LMO7: variants seen among roughly 807,000 people sequenced by gnomAD.
LMO7 encodes LIM domain only protein 7.
LMO7 carries 120 observed loss-of-function variants against 206.5 expected under a neutral mutation model. The ratio of observed to expected loss-of-function variants is 0.58; its 90% CI spans 0.50 to 0.68. LMO7 has a LOEUF of 0.68. LMO7 is among the 30% of genes least tolerant of loss of function. The pLI, the probability that LMO7 is intolerant of heterozygous loss-of-function variation, is 0.00. For missense variants in LMO7, 1,959 were observed against 1,957.9 expected (o/e 1.00, Z -0.01); for synonymous variants, 706 against 681.5 (o/e 1.04, Z -0.56).
intron 1 of LMO7, among the ~76,000 whole-genome samples, chr13:75,663,057 C>T (rs1473966605): frequency 6.6e-6 from 1 of 152,008 alleles, no homozygotes; most frequent in Non-Finnish European, 1.5e-5. Context: ...AATTTTTAAT[C>T]CCAATATTAC....
intron 7 of LMO7, among the ~76,000 whole-genome samples, chr13:75,801,592 T>G (rs1341148097): frequency 6.6e-6 from 1 of 152,230 alleles, no homozygotes; most frequent in African/African-American, 2.4e-5. Context: ...ATGCACATCT[T>G]ATTCCTGTGG....
At chr13:75,715,866 C>G (rs962923735) in intron 2 of LMO7, among the ~76,000 whole-genome samples, 3 of 152,132 alleles carry the variant, frequency 2.0e-5, no homozygotes, top group Non-Finnish European at 4.4e-5. Flanking sequence ...GTCAGCTGTT[C>G]AGAGATCTGG....
chr13:75,727,290 T>TTTTA (rs200348051), intron 3 of LMO7, among the ~76,000 whole-genome samples, 192 bp downstream of exon 3: 2,499 of 151,946 alleles, frequency 0.016, 28 homozygotes, highest in Middle Eastern at 0.045. Context: ...GCCTGGAGGC[T>TTTTA]TTTATTTATT....
rs542416359 is a variant in LMO7, at chr13:75,704,688, G to A, written c.70-8494G>A. Reference sequence around the variant, plus strand: ...GGGCATTTTGCTGATAACCAGTCTGGTATGAAGTGGTCTTCAAGAAGCTCC... The same window carrying A: ...GGGCATTTTGCTGATAACCAGTCTGATATGAAGTGGTCTTCAAGAAGCTCC... On this transcript the variant is annotated intron_variant, in intron 1 of 30. Coordinates refer to ENST00000377534, the MANE Select transcript of LMO7 (RefSeq NM_001306080.2). 8.5e-5 allele frequency among the ~76,000 whole-genome samples: 13 copies of A among 152,282 alleles called. No homozygotes were observed. The East Asian group carries it at 1.9e-3, about 23-fold the overall frequency.
chr13:75,780,107 CA>C (rs60772225), intron 4 of LMO7, among the ~76,000 whole-genome samples: 1 of 152,272 alleles, frequency 6.6e-6, no homozygotes, highest in African/African-American at 2.4e-5. Flanking sequence ...GGCAAGGTCA[CA>C]AGGCCAGGGT....
chr13:75,719,594 C>T (rs1342927862), intron 2 of LMO7, among the ~76,000 whole-genome samples: 2 of 152,050 alleles, frequency 1.3e-5, no homozygotes, highest in African/African-American at 4.8e-5. Flanking sequence ...GTGGCACTTC[C>T]CCCTTCACTT....
chr13:75,798,278 G>T (rs9318374), intron 6 of LMO7, among the ~76,000 whole-genome samples: 1,542 of 152,338 alleles, frequency 0.01, 26 homozygotes, highest in East Asian at 0.068. Flanking sequence ...GCCGAGGCAG[G>T]AGAGTCGCTT....
chr13:75,797,223 C>T (rs75816000), intron 6 of LMO7, among the ~76,000 whole-genome samples: 1,545 of 152,240 alleles, frequency 0.01, 26 homozygotes, highest in East Asian at 0.068. Context: ...TCTACCATGC[C>T]GCCTCTGTTT....
intron 3 of LMO7, among the ~76,000 whole-genome samples, chr13:75,756,092 T>C (rs1014337868): frequency 5.9e-5 from 9 of 152,160 alleles, no homozygotes; most frequent in African/African-American, 1.2e-4. Context: ...GAGGATGTGG[T>C]TGTAAAATTC....
chr13:75,828,954 G>A (rs930597730), intron 15 of LMO7, among the ~76,000 whole-genome samples: 1 of 152,132 alleles, frequency 6.6e-6, no homozygotes, highest in Non-Finnish European at 1.5e-5. Context: ...AAGAGGCCTC[G>A]AAGGAATCCA....
At chr13:75,738,443 C>A (rs908621877) in intron 3 of LMO7, among the ~76,000 whole-genome samples, 2 of 152,142 alleles carry the variant, frequency 1.3e-5, no homozygotes, top group African/African-American at 4.8e-5. Context: ...TTGAAACATT[C>A]ATGCAATTAT....
At chr13:75,704,417 T>C (rs1307863495) in intron 1 of LMO7, among the ~76,000 whole-genome samples, 1 of 152,218 alleles carries the variant, frequency 6.6e-6, no homozygotes, top group Non-Finnish European at 1.5e-5. Context: ...AGCTGATCTG[T>C]CAATTAGTAA....
intron 2 of LMO7, among the ~76,000 whole-genome samples, chr13:75,717,206 A>C (rs2043615876): frequency 6.6e-6 from 1 of 151,944 alleles, no homozygotes; most frequent in Admixed American, 6.5e-5. Context: ...TATTAAAAAT[A>C]CAAAAAATTA....
At position 75,804,035 on chromosome 13, in the gene LMO7, A is replaced by T. The variant is rs189474427; in HGVS notation, c.662-254A>T. The T allele has an allele frequency of 2.6e-5, 8 of 310,910 alleles. No homozygotes were observed. In the East Asian group the frequency reaches 4.4e-4, roughly 17 times the overall value. The allele number at this position is 310,910 out of a possible 1,614,324, so 19.3% of individuals were successfully genotyped here. ...GAAGAGATTGAGAAAAAAGGGGCTC[A>T]CTAGTAAAATAGGACTTATTCTTCT... On this transcript the variant is annotated intron_variant, in intron 7 of 30. Transcript: ENST00000377534.
chr13:75,763,306 A>G (rs915559168), intron 4 of LMO7, among the ~76,000 whole-genome samples: 1 of 152,156 alleles, frequency 6.6e-6, no homozygotes, highest in African/African-American at 2.4e-5. Flanking sequence ...CCAAATATTA[A>G]TAGTACTGGA....
At chr13:75,775,230 A>T (rs1396226600) in intron 4 of LMO7, among the ~76,000 whole-genome samples, 3 of 152,110 alleles carry the variant, frequency 2.0e-5, no homozygotes, top group East Asian at 3.9e-4. Context: ...TATTCAATAA[A>T]TGTTGCTGGG....
chr13:75,648,946 T>G (rs554221531), intron 1 of LMO7, among the ~76,000 whole-genome samples: 1 of 152,254 alleles, frequency 6.6e-6, no homozygotes, highest in East Asian at 1.9e-4. Context: ...TACAGGAAGC[T>G]TGAGAATGGG....
chr13:75,670,944 CT>C (rs950573992), intron 1 of LMO7, among the ~76,000 whole-genome samples: 28 of 116,878 alleles, frequency 2.4e-4, no homozygotes, highest in East Asian at 1.5e-3. Flanking sequence ...TATTCTATAC[CT>C]TTTTTTTTTA....
intron 12 of LMO7, among the ~76,000 whole-genome samples, chr13:75,817,718 A>G (rs368287535): frequency 6.6e-6 from 1 of 152,202 alleles, no homozygotes; most frequent in African/African-American, 2.4e-5. Flanking sequence ...AGAGTTAATT[A>G]AGGAGAATTG....
Sources: allele counts gnomAD v4.1 joint callset (sites outside exome capture counted in the v4.1 genomes callset), GRCh38; gene constraint gnomAD v4.1.1; transcripts MANE v1.5; gene names NCBI Gene and HGNC (gene_info 2026-07-23, HGNC 2026-07-21).